TENM1: variants seen among roughly 807,000 people sequenced by gnomAD.
TENM1 encodes teneurin transmembrane protein 1, also known as teneurin-1.
In TENM1, 35 loss-of-function variants were observed where a neutral mutation model predicts 174.8. The observed-to-expected ratio is 0.20, with a 90% confidence interval of 0.15 to 0.27. TENM1 has a LOEUF of 0.27. TENM1 is among the 10% of genes least tolerant of loss of function. The pLI is 1.00. For missense variants in TENM1, 1,633 were observed against 2,130.1 expected (o/e 0.77, Z 4.59); for synonymous variants, 781 against 798.7 (o/e 0.98, Z 0.37).
At chrX:124,875,715 T>TA (rs1569471338) in intron 3 of TENM1, among the ~76,000 whole-genome samples, 1 of 107,255 alleles carries the variant, frequency 9.3e-6, no homozygotes, top group Non-Finnish European at 1.9e-5. Flanking sequence ...CTCTACAAAA[T>TA]TTTTTTTTAA....
Position 124,810,019 on chromosome X carries a change from G to A in TENM1, c.536-72822C>T, listed in dbSNP as rs549603809. Among the ~76,000 whole-genome samples the A allele has an allele frequency of 1.2e-3, 132 of 111,100 alleles. 1 individual carries two copies. The highest frequency in any genetic ancestry group is 4.2e-3 in the African/African-American group (128 of 30,592). On this transcript the variant is annotated intron_variant, in intron 3 of 31. Transcript: ENST00000422452. ...CCCCAACATGTGGGGATTACAATTC[G>A]AAATGAGATTTGGGTGGGGACACAC...
At chrX:124,565,345 T>C (rs1261875877) in intron 12 of TENM1, 30 bp downstream of exon 15, 1 of 1,106,855 alleles carries the variant, frequency 9.0e-7, no homozygotes, top group Non-Finnish European at 1.2e-6. Flanking sequence ...CTAATCCAAC[T>C]TACTTTGGTT....
intron 1 of TENM1, among the ~76,000 whole-genome samples, chrX:124,956,185 A>G (rs1029481294): frequency 8.9e-6 from 1 of 111,831 alleles, no homozygotes; most frequent in African/African-American, 3.3e-5. Flanking sequence ...CCCCCATGGT[A>G]CTTTACATAT....
At chrX:124,966,532 G>T (rs943846054), upstream of TENM1, among the ~76,000 whole-genome samples, 14 of 108,105 alleles carry the variant, frequency 1.3e-4, no homozygotes, top group African/African-American at 4.5e-4. Flanking sequence ...CGTGGTAGCG[G>T]GCGCCTGTAG....
intron 11 of TENM1, among the ~76,000 whole-genome samples, chrX:124,598,865 T>C (rs756377823): frequency 1.8e-5 from 2 of 111,557 alleles, no homozygotes; most frequent in Admixed American, 1.9e-4. Flanking sequence ...CAATAGTCAA[T>C]AGTAAATTAA....
chrX:124,517,207 T>C (rs1243035086), intron 18 of TENM1, among the ~76,000 whole-genome samples: 1 of 110,679 alleles, frequency 9.0e-6, no homozygotes, highest in African/African-American at 3.3e-5. Context: ...GTACTAGGCT[T>C]AGTAAATGGG....
At chrX:124,712,265 C>G (rs187532854) in intron 4 of TENM1, among the ~76,000 whole-genome samples, 81 of 111,234 alleles carry the variant, frequency 7.3e-4, no homozygotes, top group Non-Finnish European at 1.1e-3. Context: ...GGAGGAACTT[C>G]CATACCGTTT....
intron 3 of TENM1, among the ~76,000 whole-genome samples, chrX:124,765,008 C>T (rs946833145): frequency 2.1e-4 from 23 of 111,262 alleles, no homozygotes; most frequent in African/African-American, 7.5e-4. Flanking sequence ...CTTTTATTAA[C>T]CATTCTTTGA....
intron 22 of TENM1, among the ~76,000 whole-genome samples, chrX:124,467,193 C>A (rs2061250305): frequency 9.0e-6 from 1 of 111,562 alleles, no homozygotes; most frequent in Non-Finnish European, 1.9e-5. Context: ...TTTGAAAAAT[C>A]AAATGGAATA....
chrX:124,826,959 T>G (rs2056176854), intron 3 of TENM1, among the ~76,000 whole-genome samples: 1 of 112,047 alleles, frequency 8.9e-6, no homozygotes, highest in Admixed American at 9.5e-5. Flanking sequence ...CAAAAATGAG[T>G]CAGTTCTCTC....
chrX:124,606,728 C>T (rs1205121762), intron 11 of TENM1, among the ~76,000 whole-genome samples: 2 of 111,741 alleles, frequency 1.8e-5, no homozygotes, highest in Non-Finnish European at 3.8e-5. Flanking sequence ...GAATCAGACA[C>T]ATTAGGGTTT....
At chrX:124,386,153 A>C in intron 28 of TENM1, 89 bp from the exon 32 acceptor site, 1 of 897,561 alleles carries the variant, frequency 1.1e-6, no homozygotes, top group Non-Finnish European at 1.5e-6. Flanking sequence ...TTCAACACAA[A>C]TCAATCAAGC....
intron 1 of TENM1, among the ~76,000 whole-genome samples, chrX:124,944,528 CTAATAA>C (rs1330150989): frequency 9.0e-6 from 1 of 111,044 alleles, no homozygotes; most frequent in Non-Finnish European, 1.9e-5. Flanking sequence ...AACAACAACA[CTAATAA>C]TAAGTATTGA....
At chrX:124,652,222 T>C (rs1414467952) in intron 7 of TENM1, 98 bp from the exon 11 acceptor site, 1 of 1,015,463 alleles carries the variant, frequency 9.8e-7, no homozygotes, top group African/African-American at 1.9e-5. Flanking sequence ...TTCTTTGCTT[T>C]GAAGTTGAGC....
intron 1 of TENM1, among the ~76,000 whole-genome samples, chrX:124,955,641 T>C (rs1194100220): frequency 9.0e-6 from 1 of 111,402 alleles, no homozygotes; most frequent in Non-Finnish European, 1.9e-5. Flanking sequence ...CGTAGTTTCA[T>C]AGAATAGAAC....
intron 3 of TENM1, among the ~76,000 whole-genome samples, chrX:124,798,655 G>A (rs1170905175): frequency 9.0e-6 from 1 of 111,436 alleles, no homozygotes; most frequent in Non-Finnish European, 1.9e-5. Flanking sequence ...TCACTCTAAT[G>A]ATAGTTTCTT....
At chrX:124,408,725 T>C (rs746469671) in intron 25 of TENM1, among the ~76,000 whole-genome samples, 7 of 107,218 alleles carry the variant, frequency 6.5e-5, no homozygotes, top group Non-Finnish European at 9.6e-5. Flanking sequence ...ATGTGCAGGT[T>C]AGTTACATAT....
chrX:124,930,600 T>C (rs2058156022), intron 1 of TENM1, among the ~76,000 whole-genome samples: 1 of 112,303 alleles, frequency 8.9e-6, no homozygotes, highest in Non-Finnish European at 1.9e-5. Context: ...AAAGGACAGG[T>C]AACTTGATTC....
At chrX:124,992,617 G>A in the TENM1 span, among the ~76,000 whole-genome samples, 2 of 110,877 alleles carry the variant, frequency 1.8e-5, no homozygotes, top group African/African-American at 3.3e-5. Context: ...GACCTATCTC[G>A]GTTGACCGTA....
Sources: allele counts gnomAD v4.1 joint callset (sites outside exome capture counted in the v4.1 genomes callset), GRCh38; gene constraint gnomAD v4.1.1; transcripts MANE v1.5; gene names NCBI Gene and HGNC (gene_info 2026-07-23, HGNC 2026-07-21).